Variants in VPS13D observed in about 807,000 individuals in gnomAD.
VPS13D encodes vacuolar protein sorting 13 homolog D, also known as intermembrane lipid transfer protein VPS13D.
In VPS13D, 187 loss-of-function variants were observed where a neutral mutation model predicts 461.9. That is an observed-to-expected ratio of 0.40 (90% CI 0.36 to 0.46). VPS13D has a LOEUF of 0.46. VPS13D is among the 20% of genes least tolerant of loss of function. The probability of loss-of-function intolerance (pLI) is 0.60; values close to 1 mark genes in which losing one functional copy is unlikely to be tolerated. For synonymous variants in VPS13D, 1,951 were observed against 1,986.3 expected (o/e 0.98, Z 0.47); for missense variants, 4,711 against 5,364.9 (o/e 0.88, Z 3.81).
At chr1:12,365,756 G>T (rs1383724473) in intron 52 of VPS13D, among the ~76,000 whole-genome samples, 2 of 151,820 alleles carry the variant, frequency 1.3e-5, no homozygotes, top group African/African-American at 2.4e-5. Context: ...TAAAGAATCT[G>T]AAATCAGTGC....
chr1:12,477,375 G>A (rs923769783), intron 67 of VPS13D, among the ~76,000 whole-genome samples: 9 of 152,028 alleles, frequency 5.9e-5, no homozygotes, highest in African/African-American at 1.9e-4. Flanking sequence ...CATTTTACAG[G>A]TGGACCCACT....
chr1:12,323,945 G>A (rs937202053), intron 35 of VPS13D, among the ~76,000 whole-genome samples, 165 bp downstream of exon 35: 3 of 152,072 alleles, frequency 2.0e-5, no homozygotes, highest in South Asian at 4.1e-4. Flanking sequence ...TAATAATAAC[G>A]TCACCCAGGC....
intron 1 of VPS13D, among the ~76,000 whole-genome samples, chr1:12,233,800 C>T (rs990006341): frequency 2.0e-5 from 3 of 152,162 alleles, no homozygotes; most frequent in African/African-American, 7.2e-5. Flanking sequence ...GTAATCCCAG[C>T]ACTTTGGGTG....
intron 63 of VPS13D, chr1:12,407,177 G>C (rs12094195): frequency 2.6e-5 from 4 of 152,176 alleles, no homozygotes; most frequent in African/African-American, 9.7e-5. Flanking sequence ...TCCCAAGAGG[G>C]AAATAGGCAA....
chr1:12,437,684 A>G (rs1280120679), intron 65 of VPS13D, among the ~76,000 whole-genome samples: 1 of 152,162 alleles, frequency 6.6e-6, no homozygotes, highest in African/African-American at 2.4e-5. Flanking sequence ...AACTAACAGT[A>G]TCCAATTTTT....
chr1:12,413,384 G>A (rs994689328), intron 63 of VPS13D, among the ~76,000 whole-genome samples: 1 of 151,980 alleles, frequency 6.6e-6, no homozygotes, highest in Admixed American at 6.6e-5. Flanking sequence ...GAGGCAGGAG[G>A]ATCACTTGAG....
chr1:12,350,366 T>G (rs375852338), intron 46 of VPS13D, among the ~76,000 whole-genome samples: 3 of 151,966 alleles, frequency 2.0e-5, no homozygotes, highest in East Asian at 1.9e-4. Flanking sequence ...AAATAAACAA[T>G]AAGAAGATAC....
chr1:12,467,381 A>G (rs980641794), intron 67 of VPS13D, among the ~76,000 whole-genome samples: 2 of 152,204 alleles, frequency 1.3e-5, no homozygotes, highest in African/African-American at 4.8e-5. Context: ...CATGTTGGCC[A>G]GGCCGGTCTC....
At chr1:12,405,642 A>T (rs1644643008) in intron 63 of VPS13D, among the ~76,000 whole-genome samples, 1 of 152,220 alleles carries the variant, frequency 6.6e-6, no homozygotes. Context: ...CAGGAGATTA[A>T]AGATACTTAT....
rs1230933637 is a variant in VPS13D at position 12,319,543 on chromosome 1, T to C, written c.7461T>C (p.Asn2487=). 1 of 1,614,194 alleles carries C rather than the reference T, an allele frequency of 6.2e-7. No homozygotes were observed. The highest frequency in any genetic ancestry group is 1.1e-5 in the South Asian group (1 of 91,080). Reference sequence around the variant, plus strand: ...AAGATGTGTCCTGCTTCGACACCAATGCCATTATTCTGAAAGGCACCACAG... The same window carrying C: ...AAGATGTGTCCTGCTTCGACACCAACGCCATTATTCTGAAAGGCACCACAG... ...VIEDVSCFDT[N]AIILKGTTVL... The change falls in exon 32 of 70, where the codon AAT becomes AAC. Residue 2487 remains asparagine, a synonymous_variant. Transcript: ENST00000620676.
Position 12,363,190 on chromosome 1 carries a change from G to C in VPS13D, c.10391G>C (p.Cys3464Ser). The change falls in exon 52 of 70, where the codon TGT (cysteine) becomes TCT (serine). Residue 3464 changes from cysteine (C) to serine (S), a missense_variant. By Grantham distance (112) the Cys-to-Ser change is moderately radical. Transcript: ENST00000620676. The part of the protein sequence containing the change: ...LCVRLMDVPN[C>S]IWSGGFEVNK... ...GTCAGACTGATGGACGTTCCCAATTGTATTTGGTCTGGAGGCTTTGAAGTC... is the reference window on the plus strand; with the variant it reads ...GTCAGACTGATGGACGTTCCCAATTCTATTTGGTCTGGAGGCTTTGAAGTC... 6.2e-7 allele frequency: 1 copy of C among 1,614,188 alleles called. No individual in the cohort carries two copies. The highest frequency in any genetic ancestry group is 2.2e-5 in the East Asian group (1 of 44,882).
chr1:12,275,026 C>G (rs901471436), intron 18 of VPS13D, among the ~76,000 whole-genome samples: 1 of 152,096 alleles, frequency 6.6e-6, no homozygotes, highest in Non-Finnish European at 1.5e-5. Flanking sequence ...CGAGACCAGT[C>G]TGGCCAACAT....
At chr1:12,345,632 C>T in intron 43 of VPS13D, 123 bp downstream of exon 43, 1 of 1,361,128 alleles carries the variant, frequency 7.3e-7, no homozygotes, top group South Asian at 1.6e-5. Flanking sequence ...CTAGGACTGA[C>T]TGGGTCAGTC....
intron 63 of VPS13D, chr1:12,409,809 A>G (rs1389590539): frequency 1.3e-5 from 6 of 454,064 alleles, no homozygotes; most frequent in Middle Eastern, 6.5e-4. Context: ...GGGGTTGGGG[A>G]GTGTCCATGT....
At chr1:12,477,913 G>A (rs996128946) in intron 67 of VPS13D, among the ~76,000 whole-genome samples, 2 of 152,180 alleles carry the variant, frequency 1.3e-5, no homozygotes, top group African/African-American at 4.8e-5. Context: ...TTTTAGTGTG[G>A]TTGTATTAAG....
chr1:12,391,497 A>G (rs528661126), intron 60 of VPS13D, among the ~76,000 whole-genome samples: 39 of 136,272 alleles, frequency 2.9e-4, no homozygotes, highest in Non-Finnish European at 7.5e-5. Flanking sequence ...TCACATATAT[A>G]CCACTTCATT....
At chr1:12,231,951 C>A (rs549054218) in intron 1 of VPS13D, among the ~76,000 whole-genome samples, 1 of 152,092 alleles carries the variant, frequency 6.6e-6, no homozygotes, top group African/African-American at 2.4e-5. Flanking sequence ...TCCGAGATCC[C>A]GTCACTGCAC....
At position 12,253,748 on chromosome 1, in the gene VPS13D, A is replaced by G. The variant is rs777691586; in HGVS notation, c.591A>G (p.Gln197=). The stretch of plus-strand genomic sequence containing the variant: ...TACAGAAACTAATGCGGAAAAAGCA[A>G]TTAGACGTAGCAGAATTTAGCATCT... ...EPVQKLMRKK[Q]LDVAEFSIYW... The change falls in exon 7 of 70, where the codon CAA becomes CAG. Residue 197 remains glutamine (Q), a synonymous_variant. Transcript: ENST00000620676. 19 of 1,614,156 alleles carry G rather than the reference A, an allele frequency of 1.2e-5. No individual in the cohort carries two copies. Among genetic ancestry groups the G allele is most frequent in the Non-Finnish European group, 1.5e-5 (18 of 1,179,998 alleles).
chr1:12,407,437 G>A (rs1447105809), intron 63 of VPS13D: 1 of 152,224 alleles, frequency 6.6e-6, no homozygotes, highest in African/African-American at 2.4e-5. Flanking sequence ...TTTATTAGGA[G>A]CTTATGAACA....
Sources: allele counts gnomAD v4.1 joint callset (sites outside exome capture counted in the v4.1 genomes callset), GRCh38; gene constraint gnomAD v4.1.1; transcripts MANE v1.5; gene names NCBI Gene and HGNC (gene_info 2026-07-23, HGNC 2026-07-21).